The following PLAGL1 variants were observed in gnomAD, a reference collection of about 807,000 sequenced individuals.
PLAGL1 encodes the protein zinc finger protein PLAGL1.
In PLAGL1, 1 loss-of-function variant was observed where a neutral mutation model predicts 4.6. The observed-to-expected ratio is 0.22, with a 90% CI of 0.08 to 1.03. PLAGL1 has a LOEUF of 1.03. Ranked by LOEUF, PLAGL1 falls within the 50% of genes least tolerant of loss-of-function variation. The pLI, the probability that PLAGL1 is intolerant of heterozygous loss-of-function variation, is 0.58. For synonymous variants in PLAGL1, 240 were observed against 237.8 expected, an observed-to-expected ratio of 1.01 and a Z score of -0.08; for missense variants, 464 against 570.4, an observed-to-expected ratio of 0.81 and a Z score of 1.90.
chr6:143,951,419 G>A (rs1242570407), intron 6 of PLAGL1, among the ~76,000 whole-genome samples: 6 of 152,224 alleles, frequency 3.9e-5, no homozygotes, highest in South Asian at 2.1e-4. Flanking sequence ...GACAACACAC[G>A]TGTAGAAAGG....
rs1303964663 is a variant in PLAGL1 at position 143,990,140 on chromosome 6, G to A, written c.-583-4966C>T. Among the ~76,000 whole-genome samples the A allele has an allele frequency of 6.9e-6, 1 of 144,384 alleles. No individual in the cohort carries two copies. The highest frequency in any genetic ancestry group is 2.6e-5 in the African/African-American group (1 of 38,914). The allele number at this position is 144,384 out of a possible 152,430, so 94.7% of individuals were successfully genotyped here. A position where few individuals can be genotyped will look rare whatever the true frequency, so the allele number is the denominator to read the frequency against. On this transcript the variant is annotated intron_variant, in intron 1 of 7. Transcript: ENST00000674357. The surrounding 1 kb of genome is among the most constrained non-coding windows in gnomAD (Gnocchi z 5.4). ...CCCAATTTTTTTTTTTTTCTTTTTT[G>A]AGATGGAGTCTCGCTCTGTTGCCAG...
At chr6:144,051,035 A>T (rs1038599614) in intron 1 of PLAGL1, among the ~76,000 whole-genome samples, 2 of 152,238 alleles carry the variant, frequency 1.3e-5, no homozygotes, top group Non-Finnish European at 2.9e-5. Context: ...CTTTAAAATA[A>T]GTCAGTACAT....
intron 1 of PLAGL1, among the ~76,000 whole-genome samples, chr6:144,020,824 TTA>T (rs1795917130): frequency 6.8e-6 from 1 of 145,990 alleles, no homozygotes; most frequent in Non-Finnish European, 1.5e-5. Context: ...ATATATTATA[TTA>T]TATATAATAT....
rs745900352 is a variant in PLAGL1, at chr6:143,941,513, C to T, written c.1303G>A (p.Gly435Ser). The T allele has an allele frequency of 1.3e-6, 2 of 1,539,650 alleles. No individual in the cohort carries two copies. The highest frequency in any genetic ancestry group is 4.5e-5 in the East Asian group (2 of 44,274). The part of the protein sequence containing the change: ...PPLAMGTVSL[G>S]QLPLPPIPHV... ...GGGATGGGGGGCAGGGGGAGCTGGC[C>T]CAGGCTCACAGTGCCCATGGCAAGT... Residue 435 changes from glycine (G) to serine (S), a missense_variant, in exon 8 of 8, where the codon GGC becomes AGC. Around this residue, in one of 4 missense-constraint regions of PLAGL1, gnomAD observed 20 missense variants for 46.3 expected, o/e 0.43. Transcript: ENST00000674357. The surrounding 1 kb of genome is among the most constrained non-coding windows in gnomAD (Gnocchi z 6.0).
chr6:144,062,496 C>T (rs1342793335), intron 1 of PLAGL1, among the ~76,000 whole-genome samples: 1 of 74,434 alleles, frequency 1.3e-5, no homozygotes, highest in East Asian at 3.7e-4. Context: ...AAAAAAAAAA[C>T]ACAGATTTGA....
chr6:144,039,740 C>A lies in PLAGL1; in HGVS notation c.-151+24728G>T. 6.6e-6 allele frequency among the ~76,000 whole-genome samples: 1 copy of A among 152,282 alleles called. No homozygotes were observed. The highest frequency in any genetic ancestry group is 1.9e-4 in the East Asian group (1 of 5,188). Reference sequence around the variant, plus strand: ...GTCAGTGAATACAAAGGGGTATATACTAAATGCTACAGAAATTCCATTCCT... The same window carrying A: ...GTCAGTGAATACAAAGGGGTATATAATAAATGCTACAGAAATTCCATTCCT... On this transcript the variant is annotated intron_variant, in intron 1 of 3. Transcript: ENST00000437412. The surrounding 1 kb of genome is among the most constrained non-coding windows in gnomAD (Gnocchi z 4.1).
chr6:144,011,672 C>G (rs1795201325), upstream of PLAGL1, among the ~76,000 whole-genome samples: 1 of 152,036 alleles, frequency 6.6e-6, no homozygotes, highest in Non-Finnish European at 1.5e-5. This position sits in a 1 kb window ranked among gnomAD's most constrained non-coding sequence, Gnocchi z 4.3. Flanking sequence ...GTTCTGTGAT[C>G]CAAGGTTTTT....
chr6:143,987,437 C>CCTTTT (rs1789454346), intron 1 of PLAGL1, among the ~76,000 whole-genome samples: 2 of 73,942 alleles, frequency 2.7e-5, no homozygotes, highest in South Asian at 1.4e-3. Flanking sequence ...ACCACACTGG[C>CCTTTT]TTTTTTTTTT....
intron 1 of PLAGL1, among the ~76,000 whole-genome samples, chr6:144,060,066 T>TTTTTTTTTTTTTTTG (rs1562622602): frequency 6.6e-6 from 1 of 151,520 alleles, no homozygotes; most frequent in African/African-American, 2.4e-5. Flanking sequence ...TTTTTTTTTT[T>TTTTTTTTTTTTTTTG]AAATAGGGTC....
chr6:144,042,775 T>C (rs1464894508), intron 1 of PLAGL1, among the ~76,000 whole-genome samples: 1 of 152,228 alleles, frequency 6.6e-6, no homozygotes, highest in Non-Finnish European at 1.5e-5. Flanking sequence ...AGTATGGCCA[T>C]TTTCATGATA....
chr6:144,045,625 T>A (rs1295393405), intron 1 of PLAGL1, among the ~76,000 whole-genome samples: 2 of 152,236 alleles, frequency 1.3e-5, no homozygotes, highest in African/African-American at 4.8e-5. Flanking sequence ...TTAACATTTT[T>A]TCCTTCATTT....
intron 1 of PLAGL1, among the ~76,000 whole-genome samples, chr6:144,017,622 C>T (rs905895194): frequency 1.3e-5 from 2 of 152,210 alleles, no homozygotes; most frequent in Admixed American, 1.3e-4. Flanking sequence ...CTAGTTGCCC[C>T]ATCATCCTGG....
intron 1 of PLAGL1, among the ~76,000 whole-genome samples, chr6:143,991,452 T>A (rs1308404360): frequency 6.6e-6 from 1 of 152,160 alleles, no homozygotes; most frequent in Non-Finnish European, 1.5e-5. Context: ...CCCTCCCTAG[T>A]TCTACCATGG....
At chr6:144,037,514 G>A (rs1026699189) in intron 1 of PLAGL1, 4 of 150,938 alleles carry the variant, frequency 2.7e-5, no homozygotes, top group Admixed American at 6.6e-5. Context: ...CTTTTGCCCA[G>A]AAGTTCGAGA....
At position 143,950,494 on chromosome 6, in the gene PLAGL1, G is replaced by A. The variant is rs147823361; in HGVS notation, c.-324-2034C>T. Among the ~76,000 whole-genome samples the A allele has an allele frequency of 5.0e-3, 764 of 152,144 alleles. 8 individuals are homozygous for A. The highest frequency in any genetic ancestry group is 4.5e-3 in the Non-Finnish European group (309 of 67,994). ...CCAGCCTAAGTTTGGCCATAATACC[G>A]GCCCAGCTATAAAACACACTCATTC... On this transcript the variant is annotated intron_variant, in intron 6 of 7. Transcript: ENST00000674357. The surrounding 1 kb of genome is among the most constrained non-coding windows in gnomAD (Gnocchi z 6.3).
chr6:143,985,982 T>TTATATATATATATATA lies in PLAGL1; in HGVS notation c.-583-824_-583-809dup, dbSNP rs55768066. Among the ~76,000 whole-genome samples the TTATATATATATATATA allele has an allele frequency of 0.025, 2,819 of 111,304 alleles. 160 individuals are homozygous for TTATATATATATATATA. The highest frequency in any genetic ancestry group is 0.032 in the Non-Finnish European group (1,771 of 55,222). The allele number at this position is 111,304 out of a possible 152,430, so 73.0% of individuals were successfully genotyped here. A position where few individuals can be genotyped will look rare whatever the true frequency, so the allele number is the denominator to read the frequency against. ...TATATCAAATTATATATATATAAAA[T>TTATATATATATATATA]TATATATATATATATATATATATAT... On this transcript the variant is annotated intron_variant, in intron 1 of 7. Coordinates refer to ENST00000674357, the MANE Select transcript of PLAGL1 (RefSeq NM_001317162.2). This position sits in a 1 kb window ranked among gnomAD's most constrained non-coding sequence, Gnocchi z 4.4.
rs1782664062 is a variant in PLAGL1 at position 143,958,531 on chromosome 6, C to T, written c.-325+1938G>A. 6.6e-6 allele frequency among the ~76,000 whole-genome samples: 1 copy of T among 152,180 alleles called. No homozygotes were observed. Among genetic ancestry groups the T allele is most frequent in the African/African-American group, 2.4e-5 (1 of 41,446 alleles). ...CCTCCAGAAGCATGCCTGTCTGCCTCTCGGGACACAGGCCGTACTTTATTA... is the reference window on the plus strand; with the variant it reads ...CCTCCAGAAGCATGCCTGTCTGCCTTTCGGGACACAGGCCGTACTTTATTA... On this transcript the variant is annotated intron_variant, in intron 6 of 7. Coordinates refer to ENST00000674357, the MANE Select transcript of PLAGL1 (RefSeq NM_001317162.2). This position sits in a 1 kb window ranked among gnomAD's most constrained non-coding sequence, Gnocchi z 5.1.
At position 143,953,704 on chromosome 6, in the gene PLAGL1, T is replaced by C. The variant is rs1781518490; in HGVS notation, c.-324-5244A>G. Among the ~76,000 whole-genome samples the C allele has an allele frequency of 6.6e-6, 1 of 152,156 alleles. No individual in the cohort carries two copies. The highest frequency in any genetic ancestry group is 6.5e-5 in the Admixed American group (1 of 15,284). ...GGAGAAAACAACAAATTTTGGAAGC[T>C]GAAAAGCAGGTAAACAAGCAGTGAT... is the stretch of plus-strand genomic sequence containing the variant. On this transcript the variant is annotated intron_variant, in intron 6 of 7. Coordinates refer to ENST00000674357, the MANE Select transcript of PLAGL1 (RefSeq NM_001317162.2). This position sits in a 1 kb window ranked among gnomAD's most constrained non-coding sequence, Gnocchi z 5.3.
rs1266426787 is a variant in PLAGL1, at chr6:143,964,563, C to T, written c.-399+224G>A. On this transcript the variant is annotated intron_variant, in intron 5 of 7. Coordinates refer to ENST00000674357, the MANE Select transcript of PLAGL1 (RefSeq NM_001317162.2). This position sits in a 1 kb window ranked among gnomAD's most constrained non-coding sequence, Gnocchi z 4.3. The stretch of plus-strand genomic sequence containing the variant: ...AAGTGCAGAATCTTAGAACAGTGCA[C>T]ATCTGTGCTATAGACTAGCTACAAC... Among the ~76,000 whole-genome samples, 2 of 152,116 alleles carry T rather than the reference C, an allele frequency of 1.3e-5. No homozygotes were observed. Among genetic ancestry groups the T allele is most frequent in the African/African-American group, 2.4e-5 (1 of 41,418 alleles).
Sources: allele counts gnomAD v4.1 joint callset (sites outside exome capture counted in the v4.1 genomes callset), GRCh38; gene constraint gnomAD v4.1.1; regional missense constraint gnomAD v4.1.1; non-coding constraint Gnocchi (gnomAD v3.1); transcripts MANE v1.5; gene names NCBI Gene and HGNC (gene_info 2026-07-23, HGNC 2026-07-21).